TSPAN16: variants seen among roughly 807,000 people sequenced by gnomAD.
TSPAN16 encodes the protein tetraspanin 16, also known as tetraspanin-16.
In TSPAN16, 23 loss-of-function variants were observed where a neutral mutation model predicts 25.2. That is an observed-to-expected ratio of 0.91 (90% confidence interval 0.66 to 1.29). TSPAN16 has a LOEUF of 1.29. TSPAN16 is among the 50% of genes most tolerant of loss of function. TSPAN16 has a pLI of 0.00. For synonymous variants in TSPAN16, 123 were observed against 124.4 expected, an observed-to-expected ratio of 0.99 and a Z score of 0.08; for missense variants, 272 against 299.9, an observed-to-expected ratio of 0.91 and a Z score of 0.69.
At chr19:11,297,677 A>G (rs1299603442) in intron 1 of TSPAN16, among the ~76,000 whole-genome samples, 3 of 152,014 alleles carry the variant, frequency 2.0e-5, no homozygotes, top group African/African-American at 7.2e-5. Context: ...TTGTATTTTT[A>G]GTAGAGACAG....
chr19:11,312,781 CAG>C (rs1568294073), intron 6 of TSPAN16, among the ~76,000 whole-genome samples: 1 of 151,704 alleles, frequency 6.6e-6, no homozygotes, highest in Non-Finnish European at 1.5e-5. Context: ...ATAAAATTGA[CAG>C]AACTTTAGTA....
intron 2 of TSPAN16, among the ~76,000 whole-genome samples, chr19:11,298,649 G>T (rs1405847394): frequency 6.6e-6 from 1 of 152,040 alleles, no homozygotes; most frequent in African/African-American, 2.4e-5. Context: ...GGCCAGGCTG[G>T]TCTTGAAGTC....
Position 11,315,285 on chromosome 19 carries a change from C to T in TSPAN16, c.688-506C>T, listed in dbSNP as rs181086990. Among the ~76,000 whole-genome samples the T allele has an allele frequency of 6.4e-4, 92 of 144,804 alleles. 1 individual carries two copies. The highest frequency in any genetic ancestry group is 6.1e-4 in the African/African-American group (24 of 39,172). The allele number at this position is 144,804 out of a possible 152,430, so 95.0% of individuals were successfully genotyped here. A position where few individuals can be genotyped will look rare whatever the true frequency, so the allele number is the denominator to read the frequency against. ...AATAATAATAATAATAGGCCAGGCGCGGTGGCTCACGCCTGTAATCCCAGC... is the reference window on the plus strand; with the variant it reads ...AATAATAATAATAATAGGCCAGGCGTGGTGGCTCACGCCTGTAATCCCAGC... On this transcript the variant is annotated intron_variant, in intron 6 of 6. Coordinates refer to ENST00000590327, the MANE Select transcript of TSPAN16 (RefSeq NM_001282509.2).
At position 11,308,889 on chromosome 19, in the gene TSPAN16, A is replaced by G. The variant is rs566097256; in HGVS notation, c.603+2133A>G. On this transcript the variant is annotated intron_variant, in intron 5 of 6. Coordinates refer to ENST00000590327, the MANE Select transcript of TSPAN16 (RefSeq NM_001282509.2). ...CTCCCAAAGTGCTAGGATTACAGGCATGAGCCACCCTGCCTGGCTAAAAAA... is the reference window on the plus strand; with the variant it reads ...CTCCCAAAGTGCTAGGATTACAGGCGTGAGCCACCCTGCCTGGCTAAAAAA... 5.9e-5 allele frequency among the ~76,000 whole-genome samples: 9 copies of G among 152,168 alleles called. No individual in the cohort carries two copies. In the East Asian group the frequency reaches 1.7e-3, roughly 30 times the overall value.
intron 4 of TSPAN16, among the ~76,000 whole-genome samples, chr19:11,304,787 G>A (rs1156311708): frequency 6.6e-6 from 1 of 152,026 alleles, no homozygotes; most frequent in Non-Finnish European, 1.5e-5. Flanking sequence ...GCCTCCCAAA[G>A]TGCTGGGATT....
chr19:11,307,425 T>C (rs1310045085), intron 5 of TSPAN16, among the ~76,000 whole-genome samples: 1 of 134,934 alleles, frequency 7.4e-6, no homozygotes, highest in Non-Finnish European at 1.6e-5. Flanking sequence ...CGGCCTTATT[T>C]TTATTTTTTT....
intron 6 of TSPAN16, chr19:11,325,662 G>T: frequency 1.4e-6 from 2 of 1,401,972 alleles, no homozygotes; most frequent in Non-Finnish European, 2.0e-6. Context: ...CAGAAACCTG[G>T]CTTCTAAGCC....
At position 11,298,957 on chromosome 19, in the gene TSPAN16, C is replaced by T; in HGVS notation, c.342+11C>T. The T allele has an allele frequency of 6.2e-7, 1 of 1,612,232 alleles. No homozygotes were observed. Among genetic ancestry groups the T allele is most frequent in the Admixed American group, 1.7e-5 (1 of 59,972 alleles). On this transcript the variant is annotated intron_variant, in intron 3 of 6. Coordinates refer to ENST00000590327, the MANE Select transcript of TSPAN16 (RefSeq NM_001282509.2). ...CTTTTCTTTCCAATTGTAAGTACAG[C>T]CCTGCTCCTCCCACATAGCATTAGA...
At chr19:11,310,893 A>G (rs2147951432) in intron 5 of TSPAN16, among the ~76,000 whole-genome samples, 1 of 152,132 alleles carries the variant, frequency 6.6e-6, no homozygotes, top group African/African-American at 2.4e-5. Flanking sequence ...GATGGAGTAC[A>G]GTGGTGCAAA....
downstream of TSPAN16, among the ~76,000 whole-genome samples, chr19:11,318,808 G>A (rs568544629): frequency 3.9e-4 from 59 of 151,932 alleles, no homozygotes; most frequent in African/African-American, 1.4e-3. Flanking sequence ...CACCACACAC[G>A]GCTAATTTTT....
intron 3 of TSPAN16, among the ~76,000 whole-genome samples, chr19:11,300,334 G>A (rs1164425849): frequency 1.3e-5 from 2 of 152,206 alleles, no homozygotes; most frequent in African/African-American, 4.8e-5. Flanking sequence ...CATGCACCTA[G>A]GTTATTCCAC....
At chr19:11,320,122 C>A (rs2080769340), downstream of TSPAN16, among the ~76,000 whole-genome samples, 2 of 106,838 alleles carry the variant, frequency 1.9e-5, no homozygotes, top group African/African-American at 4.1e-5. Context: ...CCGGCCAGGA[C>A]TTTTTTTTTT....
intron 5 of TSPAN16, among the ~76,000 whole-genome samples, chr19:11,308,532 G>A (rs1227055674): frequency 2.0e-5 from 3 of 150,962 alleles, no homozygotes; most frequent in African/African-American, 2.4e-5. Flanking sequence ...GTGCAGTAGC[G>A]CAATCTTGGC....
chr19:11,301,996 G>T (rs1256693832), intron 4 of TSPAN16, among the ~76,000 whole-genome samples: 1 of 151,590 alleles, frequency 6.6e-6, no homozygotes, highest in East Asian at 1.9e-4. Context: ...GCTAATTTTT[G>T]TATTTTTAGT....
chr19:11,318,407 G>A (rs998322762), downstream of TSPAN16, among the ~76,000 whole-genome samples: 8 of 151,824 alleles, frequency 5.3e-5, no homozygotes, highest in East Asian at 2.0e-4. Flanking sequence ...TGATCTGCCC[G>A]CCTCAGCCTC....
intron 5 of TSPAN16, 122 bp from the exon 6 acceptor site, chr19:11,312,017 C>G (rs1170981969): frequency 5.7e-6 from 4 of 704,858 alleles, no homozygotes; most frequent in East Asian, 2.7e-5. Flanking sequence ...ACGGCTCTCT[C>G]CCCGCTTCTC....
At chr19:11,321,200 AC>A (rs1185130833) in intron 6 of TSPAN16, 3 of 152,044 alleles carry the variant, frequency 2.0e-5, no homozygotes, top group Non-Finnish European at 2.9e-5. Context: ...ACCCAAAAAA[AC>A]ATAAGAGGTT....
At chr19:11,317,838 T>C (rs1190240751), downstream of TSPAN16, among the ~76,000 whole-genome samples, 3 of 148,308 alleles carry the variant, frequency 2.0e-5, no homozygotes, top group Non-Finnish European at 3.0e-5. Context: ...AAAAAAAAAG[T>C]GTGAAATGCT....
At chr19:11,325,162 G>T in intron 6 of TSPAN16, 1 of 477,780 alleles carries the variant, frequency 2.1e-6, no homozygotes, top group Non-Finnish European at 3.8e-6. Context: ...GTGTCCCTGG[G>T]CCTCTGCCTG....
Sources: allele counts gnomAD v4.1 joint callset (sites outside exome capture counted in the v4.1 genomes callset), GRCh38; gene constraint gnomAD v4.1.1; transcripts MANE v1.5; gene names NCBI Gene and HGNC (gene_info 2026-07-23, HGNC 2026-07-21).